Variants in TUBG1 observed in about 807,000 individuals in gnomAD.
TUBG1 encodes tubulin gamma 1.
A neutral mutation model predicts 53.3 loss-of-function variants in TUBG1; 22 were observed. The ratio of observed to expected loss-of-function variants is 0.41; its 90% CI spans 0.29 to 0.59. The LOEUF (loss-of-function observed/expected upper bound fraction) is 0.59. Among genes scored for constraint, TUBG1 ranks in the 20% least tolerant of loss-of-function variants. The pLI is 0.26. For missense variants in TUBG1, 217 were observed against 598.9 expected (o/e 0.36, Z 6.66); for synonymous variants, 198 against 236.7 (o/e 0.84, Z 1.50).
intron 3 of TUBG1, 169 bp downstream of exon 3, chr17:42,610,759 C>T (rs2052025598): frequency 1.5e-5 from 14 of 909,174 alleles, no homozygotes; most frequent in Non-Finnish European, 2.0e-5. Context: ...CTAGCTAATG[C>T]AGTGTGCCAG....
intron 1 of TUBG1, 128 bp from the exon 2 acceptor site, chr17:42,609,980 C>T (rs2052018311): frequency 7.5e-7 from 1 of 1,340,838 alleles, no homozygotes; most frequent in Non-Finnish European, 1.0e-6. Context: ...GTCCTTTCCT[C>T]AGACACGGGA....
intron 3 of TUBG1, 117 bp from the exon 4 acceptor site, chr17:42,611,958 A>T: frequency 1.2e-6 from 1 of 830,620 alleles, no homozygotes; most frequent in Non-Finnish European, 2.0e-6. Context: ...AAAAGCAGGT[A>T]GCTATGCTCC....
rs1433994465 is a variant in TUBG1, at chr17:42,614,357, A to G, written c.941A>G (p.Asn314Ser). The G allele has an allele frequency of 2.5e-6, 4 of 1,613,880 alleles. No homozygotes were observed. Among genetic ancestry groups the G allele is most frequent in the Non-Finnish European group, 3.4e-6 (4 of 1,179,836 alleles). Residue 314 changes from asparagine to serine, a missense_variant, in exon 9 of 11, where the codon AAC becomes AGC. By Grantham distance (46) the Asn-to-Ser change is conservative. Coordinates refer to ENST00000251413, the MANE Select transcript of TUBG1 (RefSeq NM_001070.5). The surrounding 1 kb of genome is among the most constrained non-coding windows in gnomAD (Gnocchi z 5.1). Reference sequence around the variant, plus strand: ...TCCACAGGCCGAGACCGCCAGACCAACCACTGCTACATCGCCATCCTCAAC... The same window carrying G: ...TCCACAGGCCGAGACCGCCAGACCAGCCACTGCTACATCGCCATCCTCAAC... ...MVSTGRDRQTNHCYIAILNII... is the reference protein window; with the variant it reads ...MVSTGRDRQTSHCYIAILNII...
At position 42,614,467 on chromosome 17, in the gene TUBG1, C is replaced by T. The variant is rs753947359; in HGVS notation, c.997-29C>T. 3 of 1,614,098 alleles carry T rather than the reference C, an allele frequency of 1.9e-6. No individual in the cohort carries two copies. In the East Asian group the frequency reaches 6.7e-5, roughly 36 times the overall value. On this transcript the variant is annotated intron_variant, in intron 9 of 10. Transcript: ENST00000251413. The surrounding 1 kb of genome is among the most constrained non-coding windows in gnomAD (Gnocchi z 5.1). ...GGACCTGCAGGGGTAGAGGAGAGGC[C>T]ACCTCCACTGCTCCTATGCCCACCC...
At chr17:42,610,780 G>C in intron 3 of TUBG1, 190 bp downstream of exon 3, 1 of 770,994 alleles carries the variant, frequency 1.3e-6, no homozygotes, top group Non-Finnish European at 2.0e-6. Flanking sequence ...GTCATTCTAA[G>C]TGCTTTACAT....
At chr17:42,612,880 G>C in intron 5 of TUBG1, 67 bp from the exon 6 acceptor site, 2 of 1,598,568 alleles carry the variant, frequency 1.3e-6, no homozygotes, top group Non-Finnish European at 1.7e-6. Context: ...CTGGACAGTT[G>C]TTAGGGAGCG....
intron 1 of TUBG1, 54 bp downstream of exon 1, chr17:42,609,840 C>T (rs2052017251): frequency 6.5e-7 from 1 of 1,531,948 alleles, no homozygotes; most frequent in Non-Finnish European, 8.8e-7. Flanking sequence ...TCAATGGGAT[C>T]TCGCTGTGGG....
At position 42,610,010 on chromosome 17, in the gene TUBG1, C is replaced by G. The variant is rs2052018587; in HGVS notation, c.50-98C>G. 2.1e-6 allele frequency: 3 copies of G among 1,453,366 alleles called. No homozygotes were observed. The Admixed American group carries it at 6.0e-5, about 29-fold the overall frequency. The allele number at this position is 1,453,366 out of a possible 1,614,324, so 90.0% of individuals were successfully genotyped here. Reference sequence around the variant, plus strand: ...ACGGGAGAGTCCTGCGGCTTGACTTCTTATCCCTGGACGCAGGCGCCCAGT... The same window carrying G: ...ACGGGAGAGTCCTGCGGCTTGACTTGTTATCCCTGGACGCAGGCGCCCAGT... On this transcript the variant is annotated intron_variant, in intron 1 of 10. Coordinates refer to ENST00000251413, the MANE Select transcript of TUBG1 (RefSeq NM_001070.5).
At chr17:42,610,625 G>GC in intron 3 of TUBG1, 35 bp downstream of exon 3, 2 of 1,613,930 alleles carry the variant, frequency 1.2e-6, no homozygotes, top group Non-Finnish European at 1.7e-6. Context: ...CCCACAACTC[G>GC]CTGGGTAGGG....
At chr17:42,613,171 C>A in intron 6 of TUBG1, 98 bp downstream of exon 6, 2 of 1,517,456 alleles carry the variant, frequency 1.3e-6, no homozygotes, top group Non-Finnish European at 1.8e-6. Context: ...CCATTTTAGC[C>A]AGGTGCAGTG....
chr17:42,612,621 C>T, intron 5 of TUBG1, 115 bp downstream of exon 5: 1 of 1,003,184 alleles, frequency 1.0e-6, no homozygotes, highest in Non-Finnish European at 1.5e-6. Context: ...CTTATATTCC[C>T]TCCTATAGAG....
Position 42,614,105 on chromosome 17 carries a change from C to T in TUBG1, c.843+107C>T. 3 of 1,589,010 alleles carry T rather than the reference C, an allele frequency of 1.9e-6. No individual in the cohort carries two copies. The highest frequency in any genetic ancestry group is 2.6e-6 in the Non-Finnish European group (3 of 1,166,518). On this transcript the variant is annotated intron_variant, in intron 8 of 10. Transcript: ENST00000251413. The surrounding 1 kb of genome is among the most constrained non-coding windows in gnomAD (Gnocchi z 5.1). ...GCCCCAGGAGCTACCCTTTGTGGAC[C>T]CCAAGGCGCGGCGCTCAGGGACTGG...
At position 42,613,527 on chromosome 17, in the gene TUBG1, T is replaced by G. The variant is rs567681895; in HGVS notation, c.607-120T>G. ...TTTGCCCTAGGTCAGTGCAAATCTCTTTCCAGTGAGTCTTTCTGGCCATGA... is the reference window on the plus strand; with the variant it reads ...TTTGCCCTAGGTCAGTGCAAATCTCGTTCCAGTGAGTCTTTCTGGCCATGA... On this transcript the variant is annotated intron_variant, in intron 6 of 10. Coordinates refer to ENST00000251413, the MANE Select transcript of TUBG1 (RefSeq NM_001070.5). The G allele has an allele frequency of 3.9e-5, 58 of 1,499,296 alleles. No homozygotes were observed. The African/African-American group carries it at 7.2e-4, about 19-fold the overall frequency. The allele number at this position is 1,499,296 out of a possible 1,614,324, so 92.9% of individuals were successfully genotyped here. A position where few individuals can be genotyped will look rare whatever the true frequency, so the allele number is the denominator to read the frequency against.
chr17:42,612,906 C>G, intron 5 of TUBG1, 41 bp from the exon 6 acceptor site: 1 of 1,611,106 alleles, frequency 6.2e-7, no homozygotes, highest in Non-Finnish European at 8.5e-7. Flanking sequence ...TTCACCAGGC[C>G]TTCGGTCTGT....
At chr17:42,612,046 C>T in intron 3 of TUBG1, 29 bp from the exon 4 acceptor site, 2 of 1,611,980 alleles carry the variant, frequency 1.2e-6, no homozygotes, top group Non-Finnish European at 1.7e-6. Context: ...GGTTCTGTCC[C>T]ACTCTGACCC....
intron 3 of TUBG1, 149 bp from the exon 4 acceptor site, chr17:42,611,926 C>T (rs780033784): frequency 1.5e-4 from 102 of 658,914 alleles, no homozygotes; most frequent in Non-Finnish European, 2.0e-4. Context: ...ACCACTGCAC[C>T]GTACTGCCTC....
At chr17:42,610,036 C>T in intron 1 of TUBG1, 72 bp from the exon 2 acceptor site, 10 of 1,556,464 alleles carry the variant, frequency 6.4e-6, no homozygotes, top group Non-Finnish European at 8.8e-6. Context: ...GGCGCCCAGT[C>T]CCCCGGCTCC....
rs369920412 is a variant in TUBG1 at position 42,614,823 on chromosome 17, C to T, written c.1159-21C>T. On this transcript the variant is annotated intron_variant, in intron 10 of 10. Transcript: ENST00000251413. This position sits in a 1 kb window ranked among gnomAD's most constrained non-coding sequence, Gnocchi z 5.1. ...TATTCTTTGAAGTTCTTTGTAACCC[C>T]TGTTTTCTGCACACCCCAAGCTCTT... 4.3e-6 allele frequency: 7 copies of T among 1,614,050 alleles called. No individual in the cohort carries two copies. Among genetic ancestry groups the T allele is most frequent in the East Asian group, 2.2e-5 (1 of 44,892 alleles).
At chr17:42,612,234 A>G in intron 4 of TUBG1, 91 bp downstream of exon 4, 2 of 1,417,802 alleles carry the variant, frequency 1.4e-6, no homozygotes, top group East Asian at 2.3e-5. Context: ...AGACCCACTC[A>G]TGTACCCTTT....
Sources: allele counts gnomAD v4.1 joint callset, GRCh38; gene constraint gnomAD v4.1.1; non-coding constraint Gnocchi (gnomAD v3.1); transcripts MANE v1.5; gene names NCBI Gene and HGNC (gene_info 2026-07-23, HGNC 2026-07-21).